The following PAX5 variants were observed in gnomAD, a reference collection of about 807,000 sequenced individuals.
PAX5 encodes the protein paired box 5.
PAX5 carries 9 observed loss-of-function variants against 43.7 expected under a neutral mutation model. That is an observed-to-expected ratio of 0.21 (90% confidence interval 0.12 to 0.36). The LOEUF is 0.36. PAX5 is among the 10% of genes least tolerant of loss of function. PAX5 has a pLI of 1.00. For missense variants in PAX5, 383 were observed against 532.7 expected (o/e 0.72, Z 2.77); for synonymous variants, 228 against 214.3 (o/e 1.06, Z -0.56).
At chr9:37,000,380 C>A (rs1161608488) in intron 5 of PAX5, among the ~76,000 whole-genome samples, 4 of 152,186 alleles carry the variant, frequency 2.6e-5, no homozygotes, top group Non-Finnish European at 5.9e-5. Context: ...CCTTCTACCA[C>A]AGACCACTGA....
In PAX5 at chr9:36,833,754, C is replaced by T. The variant is rs1239900838; in HGVS notation, c.*6806G>A. On this transcript the variant is annotated 3_prime_UTR_variant, in exon 10 of 10. Transcript: ENST00000358127. ...TCTACTAGAAAAAAAGAATACAAAACATACACATTTTTTAAGAAGCATTTT... is the reference window on the plus strand; with the variant it reads ...TCTACTAGAAAAAAAGAATACAAAATATACACATTTTTTAAGAAGCATTTT... 4.3e-6 allele frequency: 1 copy of T among 232,488 alleles called. No homozygotes were observed. The highest frequency in any genetic ancestry group is 8.5e-6 in the Non-Finnish European group (1 of 117,842). The allele number at this position is 232,488 out of a possible 1,614,324, so 14.4% of individuals were successfully genotyped here.
intron 8 of PAX5, 69 bp downstream of exon 8, chr9:36,881,935 G>A (rs766894200): frequency 1.3e-5 from 15 of 1,136,586 alleles, no homozygotes; most frequent in African/African-American, 3.1e-5. Context: ...AGGCTGTTTG[G>A]GGGGGGATGT....
intron 6 of PAX5, among the ~76,000 whole-genome samples, chr9:36,950,336 G>A (rs150997117): frequency 3.3e-5 from 5 of 152,264 alleles, no homozygotes; most frequent in African/African-American, 9.6e-5. Context: ...CCAAGACATT[G>A]GGAAAGAATC....
chr9:36,927,172 T>C (rs1563976251), intron 6 of PAX5, among the ~76,000 whole-genome samples: 1 of 151,736 alleles, frequency 6.6e-6, no homozygotes, highest in Non-Finnish European at 1.5e-5. Flanking sequence ...AAGGAAGGAG[T>C]GCTCTTCCTA....
intron 6 of PAX5, among the ~76,000 whole-genome samples, chr9:36,937,634 T>C (rs1332178263): frequency 1.3e-5 from 2 of 152,210 alleles, no homozygotes; most frequent in African/African-American, 2.4e-5. Context: ...ACCTTTGACA[T>C]GGCCATGCTT....
rs200018245 is a variant in PAX5 at position 37,020,628 on chromosome 9, G to A, written c.212+8C>T. The A allele has an allele frequency of 4.3e-6, 7 of 1,614,064 alleles. No homozygotes were observed. The African/African-American group carries it at 9.3e-5, about 22-fold the overall frequency. On this transcript the variant is annotated splice_region_variant and intron_variant, in intron 2 of 9. Transcript: ENST00000358127. ...AGATCAAGGGAAGCCTCGAGCTACT[G>A]CCTTTACCTGCCAAGAATTTTGCTG... is the stretch of plus-strand genomic sequence containing the variant.
intron 7 of PAX5, among the ~76,000 whole-genome samples, chr9:36,921,093 G>T (rs528791783): frequency 6.6e-6 from 1 of 152,174 alleles, no homozygotes; most frequent in African/African-American, 2.4e-5. Flanking sequence ...GATTACAGGC[G>T]TGAGCCACTG....
rs192904318 is a variant in PAX5, at chr9:36,960,758, C to T, written c.780+5791G>A. 3.4e-4 allele frequency among the ~76,000 whole-genome samples: 52 copies of T among 152,318 alleles called. No individual in the cohort carries two copies. In the East Asian group the frequency reaches 9.3e-3, roughly 27 times the overall value. ...CTCCTGCTCCTCCACCCCATTGTAC[C>T]TGACTTCCTGTCACTGACCCCCATT... On this transcript the variant is annotated intron_variant, in intron 6 of 9. Transcript: ENST00000358127.
At chr9:36,852,958 A>T (rs796540654) in intron 8 of PAX5, among the ~76,000 whole-genome samples, 50 of 152,340 alleles carry the variant, frequency 3.3e-4, no homozygotes, top group African/African-American at 1.2e-3. Flanking sequence ...AAATCTTCTC[A>T]TCACATCCTT....
chr9:37,006,241 G>A (rs763749874), intron 4 of PAX5, among the ~76,000 whole-genome samples: 1 of 151,608 alleles, frequency 6.6e-6, no homozygotes, highest in South Asian at 2.1e-4. Context: ...TCAATTTTCT[G>A]TCTCATGGTG....
chr9:36,977,076 G>C (rs1156378029), intron 5 of PAX5, among the ~76,000 whole-genome samples: 1 of 152,166 alleles, frequency 6.6e-6, no homozygotes, highest in Non-Finnish European at 1.5e-5. Context: ...TTGCAATGTA[G>C]TGCGATAAGT....
chr9:36,942,637 C>CTACCAGAG (rs1832144967), intron 6 of PAX5, among the ~76,000 whole-genome samples: 1 of 152,252 alleles, frequency 6.6e-6, no homozygotes, highest in Non-Finnish European at 1.5e-5. Context: ...TGTTCTGCCT[C>CTACCAGAG]TACCAGAGGG....
intron 8 of PAX5, among the ~76,000 whole-genome samples, chr9:36,873,990 G>A (rs913980674): frequency 1.6e-4 from 25 of 151,938 alleles, no homozygotes; most frequent in African/African-American, 4.8e-4. Context: ...CCAGGATGCT[G>A]CCTGGTACTG....
chr9:37,021,491 C>T (rs531904587), intron 1 of PAX5, among the ~76,000 whole-genome samples: 1 of 152,360 alleles, frequency 6.6e-6, no homozygotes, highest in East Asian at 1.9e-4. Flanking sequence ...GCACATTCCA[C>T]TCCACTGCAC....
intron 5 of PAX5, among the ~76,000 whole-genome samples, chr9:36,968,006 A>G (rs191469314): frequency 5.9e-5 from 9 of 152,324 alleles, no homozygotes; most frequent in African/African-American, 2.2e-4. Context: ...AAAATCAAGC[A>G]CAGAGGGCAA....
At chr9:36,860,297 A>T (rs917274761) in intron 8 of PAX5, among the ~76,000 whole-genome samples, 12 of 152,152 alleles carry the variant, frequency 7.9e-5, no homozygotes, top group Admixed American at 1.3e-4. Context: ...AGATTGCACC[A>T]CTGCACTCCA....
chr9:36,966,145 C>T (rs538868268), intron 6 of PAX5, among the ~76,000 whole-genome samples: 12 of 152,370 alleles, frequency 7.9e-5, no homozygotes, highest in African/African-American at 1.2e-4. Flanking sequence ...CCATTGTTCA[C>T]GGCCGGTGAG....
chr9:36,871,751 TG>T (rs1825513192), intron 8 of PAX5, among the ~76,000 whole-genome samples: 1 of 152,172 alleles, frequency 6.6e-6, no homozygotes, highest in African/African-American at 2.4e-5. Context: ...AGCTGGAAAC[TG>T]GGGAAATCTA....
At chr9:37,029,348 T>C (rs1840733217) in intron 1 of PAX5, among the ~76,000 whole-genome samples, 1 of 152,214 alleles carries the variant, frequency 6.6e-6, no homozygotes, top group Non-Finnish European at 1.5e-5. Context: ...CAGCTGTCCC[T>C]GACCAGTAGA....
Sources: allele counts gnomAD v4.1 joint callset (sites outside exome capture counted in the v4.1 genomes callset), GRCh38; gene constraint gnomAD v4.1.1; transcripts MANE v1.5; gene names NCBI Gene and HGNC (gene_info 2026-07-23, HGNC 2026-07-21).